DCC: variants seen among roughly 807,000 people sequenced by gnomAD.
DCC encodes DCC netrin 1 receptor, also known as netrin receptor DCC.
In DCC, 58 loss-of-function variants were observed where a neutral mutation model predicts 172.5. That is an observed-to-expected ratio of 0.34 (90% CI 0.27 to 0.42). The LOEUF (loss-of-function observed/expected upper bound fraction) is 0.42. Ranked by LOEUF, DCC falls within the 10% of genes least tolerant of loss-of-function variation. The pLI, the probability that DCC is intolerant of heterozygous loss-of-function variation, is 1.00. For missense variants in DCC, 1,740 were observed against 1,791.0 expected (o/e 0.97, Z 0.51); for synonymous variants, 709 against 644.5 (o/e 1.10, Z -1.52).
chr18:52,406,222 G>A (rs1164911924), intron 1 of DCC, among the ~76,000 whole-genome samples: 1 of 150,978 alleles, frequency 6.6e-6, no homozygotes, highest in African/African-American at 2.4e-5. Flanking sequence ...AAAAACCAGA[G>A]AAGAAAACCT....
chr18:53,185,577 C>T (rs1279687855), intron 9 of DCC, among the ~76,000 whole-genome samples: 2 of 152,144 alleles, frequency 1.3e-5, no homozygotes, highest in South Asian at 4.1e-4. Context: ...CAACTTATCT[C>T]TCTTGTGAGC....
chr18:53,203,009 C>T (rs2055564867), intron 9 of DCC, among the ~76,000 whole-genome samples: 1 of 152,028 alleles, frequency 6.6e-6, no homozygotes, highest in Non-Finnish European at 1.5e-5. Context: ...GAGTGCTACA[C>T]AAATGACATT....
At position 52,844,669 on chromosome 18, in the gene DCC, A is replaced by G. The variant is rs1296794528; in HGVS notation, c.413-61375A>G. Among the ~76,000 whole-genome samples the G allele has an allele frequency of 2.0e-5, 3 of 152,144 alleles. No individual in the cohort carries two copies. In the East Asian group the frequency reaches 5.8e-4, roughly 29 times the overall value. On this transcript the variant is annotated intron_variant, in intron 2 of 28. Transcript: ENST00000442544. ...AGTTACAAAAAAAGAAGTGACACAA[A>G]TACATATGAACTAGTACAAAGATAA...
intron 12 of DCC, among the ~76,000 whole-genome samples, chr18:53,222,376 CTTTTTTCTT>C (rs1376496189): frequency 2.5e-4 from 25 of 98,570 alleles, no homozygotes; most frequent in Admixed American, 3.8e-4. Flanking sequence ...TTTTCTTTTT[CTTTTTTCTT>C]TTTTTTTTTT....
chr18:53,313,334 G>C (rs924524223), intron 13 of DCC, among the ~76,000 whole-genome samples: 2 of 151,984 alleles, frequency 1.3e-5, no homozygotes, highest in African/African-American at 4.8e-5. Context: ...CAACCTCCGC[G>C]TCTCGGGTAC....
At chr18:53,035,470 A>C (rs2042080744) in intron 5 of DCC, among the ~76,000 whole-genome samples, 1 of 152,154 alleles carries the variant, frequency 6.6e-6, no homozygotes. Context: ...TGATATAATT[A>C]GACTTTCCAG....
intron 12 of DCC, among the ~76,000 whole-genome samples, chr18:53,244,877 G>A (rs1004757831): frequency 1.3e-5 from 2 of 152,034 alleles, no homozygotes; most frequent in Non-Finnish European, 1.5e-5. Flanking sequence ...AATTTAGATT[G>A]CCTATACTAT....
intron 5 of DCC, among the ~76,000 whole-genome samples, chr18:52,949,800 G>A (rs939046831): frequency 1.2e-4 from 18 of 152,190 alleles, no homozygotes; most frequent in Non-Finnish European, 2.4e-4. Context: ...TGTTGCCAAA[G>A]CATTTCATTT....
chr18:52,580,032 A>C (rs1162221286), intron 1 of DCC, among the ~76,000 whole-genome samples: 2 of 152,236 alleles, frequency 1.3e-5, no homozygotes, highest in Non-Finnish European at 2.9e-5. Flanking sequence ...AAAAGTTGCT[A>C]TTCACCTTTC....
At chr18:52,481,736 ACTGT>A (rs2029970413) in intron 1 of DCC, among the ~76,000 whole-genome samples, 1 of 152,104 alleles carries the variant, frequency 6.6e-6, no homozygotes. Flanking sequence ...TGGCTCTGAC[ACTGT>A]CTGCTGTGTA....
At chr18:53,251,612 AC>A (rs1380708273) in intron 12 of DCC, among the ~76,000 whole-genome samples, 1 of 151,930 alleles carries the variant, frequency 6.6e-6, no homozygotes, top group African/African-American at 2.4e-5. Flanking sequence ...CTTTGAAATC[AC>A]ATACTCTTTT....
intron 2 of DCC, among the ~76,000 whole-genome samples, chr18:52,850,367 G>T (rs181045051): frequency 2.6e-5 from 4 of 152,104 alleles, no homozygotes; most frequent in African/African-American, 9.7e-5. Flanking sequence ...AGAAATATAT[G>T]CATTGAAGTC....
chr18:52,847,930 T>A (rs1379067944), intron 2 of DCC, among the ~76,000 whole-genome samples: 2 of 152,214 alleles, frequency 1.3e-5, no homozygotes, highest in African/African-American at 4.8e-5. Flanking sequence ...AGTTTTGGTA[T>A]TTTGAATCTA....
At chr18:53,101,054 G>A (rs2043165454) in intron 7 of DCC, among the ~76,000 whole-genome samples, 2 of 152,102 alleles carry the variant, frequency 1.3e-5, no homozygotes, top group Admixed American at 1.3e-4. Flanking sequence ...TTGGATGGCT[G>A]TCTTTTTTGC....
intron 1 of DCC, among the ~76,000 whole-genome samples, chr18:52,531,855 A>G (rs2032160457): frequency 6.6e-6 from 1 of 152,214 alleles, no homozygotes; most frequent in Admixed American, 6.5e-5. Context: ...TAGTGAAGCC[A>G]ATTCTATTTT....
intron 1 of DCC, among the ~76,000 whole-genome samples, chr18:52,467,741 T>C (rs991349542): frequency 3.9e-5 from 6 of 152,216 alleles, no homozygotes; most frequent in African/African-American, 1.4e-4. Flanking sequence ...ATCTTCATTC[T>C]AACTGGCATG....
Position 52,912,998 on chromosome 18 carries a change from T to A in DCC, c.697+6670T>A, listed in dbSNP as rs140020293. ...TTAATAAAAAATAGTTTTAAGTCAG[T>A]TTATGCTGTCACACAAATCACACCA... On this transcript the variant is annotated intron_variant, in intron 3 of 28. Coordinates refer to ENST00000442544, the MANE Select transcript of DCC (RefSeq NM_005215.4). 1.3e-3 allele frequency among the ~76,000 whole-genome samples: 195 copies of A among 152,176 alleles called. 4 individuals are homozygous for A. In the East Asian group the frequency reaches 0.035, roughly 27 times the overall value.
At chr18:53,111,862 G>T (rs188977101) in intron 7 of DCC, among the ~76,000 whole-genome samples, 3 of 151,608 alleles carry the variant, frequency 2.0e-5, no homozygotes, top group Non-Finnish European at 3.0e-5. Context: ...TATTTTAGTT[G>T]TTTTGCAATT....
chr18:52,810,221 G>A (rs1208018480), intron 2 of DCC, among the ~76,000 whole-genome samples: 2 of 152,194 alleles, frequency 1.3e-5, no homozygotes, highest in Admixed American at 1.3e-4. Flanking sequence ...AAGACAGGAG[G>A]AAGAGATGTA....
Sources: allele counts gnomAD v4.1 joint callset (sites outside exome capture counted in the v4.1 genomes callset), GRCh38; gene constraint gnomAD v4.1.1; transcripts MANE v1.5; gene names NCBI Gene and HGNC (gene_info 2026-07-23, HGNC 2026-07-21).